Variants in C8B observed in about 807,000 individuals in gnomAD.
C8B encodes the protein complement C8 beta chain, also known as complement component C8 beta chain.
In C8B, 67 loss-of-function variants were observed where a neutral mutation model predicts 64.6. The ratio of observed to expected loss-of-function variants is 1.04; its 90% CI spans 0.85 to 1.27. C8B has a LOEUF of 1.27. Among genes scored for constraint, C8B ranks in the 50% most tolerant of loss-of-function variants. The pLI, the probability that C8B is intolerant of heterozygous loss-of-function variation, is 0.00. For synonymous variants in C8B, 284 were observed against 257.7 expected, an observed-to-expected ratio of 1.10 and a Z score of -0.98; for missense variants, 790 against 725.2, an observed-to-expected ratio of 1.09 and a Z score of -1.03.
chr1:56,946,056 GC>G lies in C8B; in HGVS notation c.869del (p.Ser290ThrfsTer12). 1 of 1,614,040 alleles carries G rather than the reference GC, an allele frequency of 6.2e-7. No homozygotes were observed. The highest frequency in any genetic ancestry group is 8.5e-7 in the Non-Finnish European group (1 of 1,179,988). ...GGTCAGAGCGTGCATGCAGAAATACGCTTTTCTAAATGAAATACCAACATGG... is the reference window on the plus strand; with the variant it reads ...GGTCAGAGCGTGCATGCAGAAATACGTTTTCTAAATGAAATACCAACATGG... ...RRTKRFSHTK[S>X]VFLHARSDLE... On this transcript the variant is annotated frameshift_variant, in exon 7 of 12. Transcript: ENST00000371237. LOFTEE classifies it high-confidence loss of function.
Position 56,949,722 on chromosome 1 carries a change from C to T in C8B, c.697G>A (p.Glu233Lys), listed in dbSNP as rs756905287. Residue 233 changes from glutamate (E) to lysine (K), a missense_variant, in exon 6 of 12, where the codon GAG becomes AAG. Glu to Lys is a moderately conservative substitution (Grantham distance 56). Transcript: ENST00000371237. ...TQGKYEFILK[E>K]YESYSDFERN... is the part of the protein sequence containing the mutation. ...TCAAAATCTGAGTATGATTCATACT[C>T]TTTTAATATGAATTCGTATTTGCCT... 8 of 1,613,282 alleles carry T rather than the reference C, an allele frequency of 5.0e-6. No homozygotes were observed. The African/African-American group carries it at 9.3e-5, about 19-fold the overall frequency.
chr1:56,956,924 G>A lies in C8B; in HGVS notation c.250-14C>T. 6.2e-7 allele frequency: 1 copy of A among 1,613,968 alleles called. No individual in the cohort carries two copies. The highest frequency in any genetic ancestry group is 2.2e-5 in the East Asian group (1 of 44,876). On this transcript the variant is annotated splice_polypyrimidine_tract_variant and intron_variant, in intron 2 of 11. Coordinates refer to ENST00000371237, the MANE Select transcript of C8B (RefSeq NM_000066.4). ...GGCATACCTGTACTGTAGCAGAGAG[G>A]AGCCAGGTGAACCAAGGGTAAAGCC...
chr1:56,962,232 C>T (rs1645189767), intron 1 of C8B, among the ~76,000 whole-genome samples: 1 of 152,190 alleles, frequency 6.6e-6, no homozygotes, highest in Non-Finnish European at 1.5e-5. Flanking sequence ...GTTATATCCA[C>T]CACATCTCTC....
chr1:56,952,066 C>A lies in C8B; in HGVS notation c.648G>T (p.Val216=). The change falls in exon 5 of 12, where the codon GTG becomes GTT. Residue 216 remains valine, a synonymous_variant. Transcript: ENST00000371237. Reference sequence around the variant, plus strand: ...CTCTTACCTGTGGCGTGTAGCTTTCCACATTGTAGGGCTTCCTAAACCTCG... The same window carrying A: ...CTCTTACCTGTGGCGTGTAGCTTTCAACATTGTAGGGCTTCCTAAACCTCG... ...LNTRFRKPYN[V]ESYTPQTQGK... 2 of 1,614,132 alleles carry A rather than the reference C, an allele frequency of 1.2e-6. No homozygotes were observed. Among genetic ancestry groups the A allele is most frequent in the Non-Finnish European group, 1.7e-6 (2 of 1,180,002 alleles).
chr1:56,946,995 C>T (rs543766928), intron 6 of C8B, among the ~76,000 whole-genome samples: 2 of 152,270 alleles, frequency 1.3e-5, no homozygotes, highest in African/African-American at 4.8e-5. Flanking sequence ...CTTCCTTCTC[C>T]CTTACCCTTC....
At chr1:56,965,768 G>T in intron 1 of C8B, 89 bp downstream of exon 1, 1 of 1,389,678 alleles carries the variant, frequency 7.2e-7, no homozygotes, top group Non-Finnish European at 1.0e-6. Context: ...TCATTCAATA[G>T]GCATGCAACA....
intron 6 of C8B, among the ~76,000 whole-genome samples, 198 bp from the exon 7 acceptor site, chr1:56,946,259 G>A (rs900340934): frequency 2.6e-5 from 4 of 152,112 alleles, no homozygotes; most frequent in African/African-American, 9.7e-5. Flanking sequence ...TGTTCAGCTT[G>A]GAAGAGCTTG....
At chr1:56,939,101 T>C (rs531895393) in intron 9 of C8B, among the ~76,000 whole-genome samples, 9 of 152,340 alleles carry the variant, frequency 5.9e-5, no homozygotes, top group African/African-American at 2.2e-4. Context: ...CACATTCAAC[T>C]GATCTGAGTG....
At chr1:56,937,677 T>A (rs544613072) in intron 9 of C8B, among the ~76,000 whole-genome samples, 2,674 of 152,338 alleles carry the variant, frequency 0.018, 96 homozygotes, top group African/African-American at 0.062. Context: ...ACAAATAATT[T>A]TTTTTAGTTT....
chr1:56,952,304 G>A, intron 4 of C8B, 124 bp from the exon 5 acceptor site: 2 of 1,304,308 alleles, frequency 1.5e-6, no homozygotes, highest in Non-Finnish European at 2.2e-6. Context: ...TTGATACCTG[G>A]TCCAAGCCAG....
At chr1:56,933,037 A>T (rs1037505106) in intron 10 of C8B, among the ~76,000 whole-genome samples, 5 of 152,186 alleles carry the variant, frequency 3.3e-5, no homozygotes, top group African/African-American at 1.2e-4. Flanking sequence ...TAGTCAGGAC[A>T]TGCACAAAGG....
At chr1:56,935,449 C>A (rs942438990) in intron 9 of C8B, among the ~76,000 whole-genome samples, 2 of 152,136 alleles carry the variant, frequency 1.3e-5, no homozygotes, top group Non-Finnish European at 2.9e-5. Context: ...GTTCTAACCA[C>A]TGACATTGAT....
chr1:56,961,402 T>C (rs1401567172), intron 1 of C8B, among the ~76,000 whole-genome samples: 2 of 152,076 alleles, frequency 1.3e-5, no homozygotes, highest in Non-Finnish European at 2.9e-5. Context: ...AAGACAGCTG[T>C]GGAGCACTGC....
At chr1:56,957,147 C>T (rs547100051) in intron 2 of C8B, among the ~76,000 whole-genome samples, 3 of 152,104 alleles carry the variant, frequency 2.0e-5, no homozygotes, top group Admixed American at 6.6e-5. Context: ...TCTCTGAGGG[C>T]AGGGACCTTG....
intron 1 of C8B, among the ~76,000 whole-genome samples, chr1:56,960,892 C>A (rs1035124262): frequency 6.6e-6 from 1 of 151,832 alleles, no homozygotes; most frequent in African/African-American, 2.4e-5. Flanking sequence ...CCATGAAACA[C>A]CTACGGAGAC....
Position 56,945,970 on chromosome 1 carries a change from T to C in C8B, c.956A>G (p.Gln319Arg). 2 of 1,614,160 alleles carry C rather than the reference T, an allele frequency of 1.2e-6. No homozygotes were observed. Among genetic ancestry groups the C allele is most frequent in the Non-Finnish European group, 1.7e-6 (2 of 1,180,012 alleles). The change falls in exon 7 of 12, where the codon CAG (glutamine) becomes CGG (arginine). Residue 319 changes from glutamine (Q) to arginine (R), a missense_variant. Physicochemically the swap from Gln to Arg is conservative, Grantham distance 43 (BLOSUM62 1). Transcript: ENST00000371237. ...CTCCAGGGGCAGCCGCTTAACTCTC[T>C]GAAGGAACTCGTAATGGAGCATGAG... is the stretch of plus-strand genomic sequence containing the variant. Reference protein sequence around the residue: ...RSLMLHYEFLQRVKRLPLEYS... With the variant: ...RSLMLHYEFLRRVKRLPLEYS...
chr1:56,932,032 C>T (rs1275364088), intron 10 of C8B, among the ~76,000 whole-genome samples, 154 bp from the exon 11 acceptor site: 1 of 152,162 alleles, frequency 6.6e-6, no homozygotes, highest in Non-Finnish European at 1.5e-5. Flanking sequence ...GCCAGGAATA[C>T]CTACTCCTTT....
intron 6 of C8B, 82 bp downstream of exon 6, chr1:56,949,473 T>C (rs112534346): frequency 6.4e-6 from 8 of 1,243,538 alleles, no homozygotes; most frequent in African/African-American, 5.9e-5. Flanking sequence ...TTATAAATCA[T>C]CCATTCTGTG....
intron 1 of C8B, among the ~76,000 whole-genome samples, chr1:56,962,357 T>C (rs996540871): frequency 6.6e-6 from 1 of 152,234 alleles, no homozygotes; most frequent in African/African-American, 2.4e-5. Context: ...ATTAGTACTA[T>C]AAAATGCAAA....
Sources: gnomAD v4.1 joint callset for allele counts (sites outside exome capture counted in the v4.1 genomes callset) on GRCh38, gnomAD v4.1.1 for gene constraint, MANE v1.5 for transcripts, NCBI Gene and HGNC (gene_info 2026-07-23, HGNC 2026-07-21) for gene names.